The following PRKAR2B variants were observed in gnomAD, a reference collection of about 807,000 sequenced individuals.
PRKAR2B encodes protein kinase cAMP-dependent type II regulatory subunit beta, also known as cAMP-dependent protein kinase type II-beta regulatory subunit.
In PRKAR2B, 14 loss-of-function variants were observed where a neutral mutation model predicts 49.9. That is an observed-to-expected ratio of 0.28 (90% CI 0.19 to 0.44). PRKAR2B has a LOEUF of 0.44. Among genes scored for constraint, PRKAR2B ranks in the 20% least tolerant of loss-of-function variants. The probability of loss-of-function intolerance (pLI) is 1.00; values close to 1 mark genes in which losing one functional copy is unlikely to be tolerated. For synonymous variants in PRKAR2B, 196 were observed against 197.7 expected (o/e 0.99, Z 0.07); for missense variants, 393 against 537.9 (o/e 0.73, Z 2.67).
At chr7:107,111,057 C>T (rs1795162006) in intron 2 of PRKAR2B, among the ~76,000 whole-genome samples, 1 of 152,158 alleles carries the variant, frequency 6.6e-6, no homozygotes, top group African/African-American at 2.4e-5. Context: ...AAGGGAGCAT[C>T]CCACGCTAGG....
At chr7:107,090,888 G>A (rs1014464699) in intron 2 of PRKAR2B, among the ~76,000 whole-genome samples, 9 of 152,164 alleles carry the variant, frequency 5.9e-5, no homozygotes, top group Admixed American at 2.0e-4. Context: ...GAATGGGACC[G>A]TTATCTTGCA....
intron 2 of PRKAR2B, among the ~76,000 whole-genome samples, chr7:107,086,213 C>A (rs1254224319): frequency 6.6e-6 from 1 of 151,900 alleles, no homozygotes; most frequent in East Asian, 1.9e-4. Context: ...GTGTACAGAT[C>A]TGAGGTTCAA....
chr7:107,048,829 C>G (rs1793749695), intron 1 of PRKAR2B, among the ~76,000 whole-genome samples: 1 of 152,168 alleles, frequency 6.6e-6, no homozygotes, highest in Non-Finnish European at 1.5e-5. Flanking sequence ...TTGTTACTTT[C>G]CATTTGCTAT....
At chr7:107,091,312 A>G (rs1310273634) in intron 2 of PRKAR2B, among the ~76,000 whole-genome samples, 1 of 152,250 alleles carries the variant, frequency 6.6e-6, no homozygotes, top group Non-Finnish European at 1.5e-5. Context: ...CAAGACATTC[A>G]TATGTGCATT....
At chr7:107,055,865 G>C (rs969765734) in intron 1 of PRKAR2B, among the ~76,000 whole-genome samples, 1 of 152,126 alleles carries the variant, frequency 6.6e-6, no homozygotes, top group Admixed American at 6.6e-5. Context: ...ACTGCTTTTG[G>C]TGTTTTAGAC....
At chr7:107,111,930 G>A (rs542537022) in intron 2 of PRKAR2B, among the ~76,000 whole-genome samples, 120 of 146,912 alleles carry the variant, frequency 8.2e-4, no homozygotes, top group Non-Finnish European at 1.4e-3. Context: ...ATGTTTGGAG[G>A]TCAAGGCAGG....
rs899783324 is a variant in PRKAR2B at position 107,156,891 on chromosome 7, G to A, written c.919-93G>A. On this transcript the variant is annotated intron_variant, in intron 8 of 10. Coordinates refer to ENST00000265717, the MANE Select transcript of PRKAR2B (RefSeq NM_002736.3). ...TTTTCAGGTGAATATGTGTACTTTG[G>A]GGTTGGATCAATTTTAGGGATATGA... is the stretch of plus-strand genomic sequence containing the variant. 6.7e-6 allele frequency: 7 copies of A among 1,052,048 alleles called. No homozygotes were observed. In the African/African-American group the frequency reaches 9.5e-5, roughly 14 times the overall value. The allele number at this position is 1,052,048 out of a possible 1,614,324, so 65.2% of individuals were successfully genotyped here. A position where few individuals can be genotyped will look rare whatever the true frequency, so the allele number is the denominator to read the frequency against.
intron 1 of PRKAR2B, among the ~76,000 whole-genome samples, chr7:107,053,523 AGAGTGT>A (rs1239595489): frequency 8.4e-6 from 1 of 118,364 alleles, no homozygotes; most frequent in Admixed American, 9.3e-5. Context: ...TAGATTATAA[AGAGTGT>A]GTGTGTGTGT....
At chr7:107,136,346 C>CT (rs1795701602) in intron 4 of PRKAR2B, among the ~76,000 whole-genome samples, 1 of 152,128 alleles carries the variant, frequency 6.6e-6, no homozygotes, top group Admixed American at 6.6e-5. Flanking sequence ...TTAAAAATTT[C>CT]TTTGCTGCAA....
At chr7:107,108,553 G>A (rs927792038) in intron 2 of PRKAR2B, among the ~76,000 whole-genome samples, 2 of 152,170 alleles carry the variant, frequency 1.3e-5, no homozygotes, top group Non-Finnish European at 2.9e-5. Context: ...CAATGTCAAG[G>A]GGGAACAGAG....
Position 107,127,371 on chromosome 7 carries a change from A to G in PRKAR2B, c.397-841A>G, listed in dbSNP as rs571044125. ...TGCCCCTCTAACTCATTTTATAGTT[A>G]CAAACTGTTCATGTTCACAAAAGAG... is the stretch of plus-strand genomic sequence containing the variant. On this transcript the variant is annotated intron_variant, in intron 3 of 10. Coordinates refer to ENST00000265717, the MANE Select transcript of PRKAR2B (RefSeq NM_002736.3). Among the ~76,000 whole-genome samples the G allele has an allele frequency of 5.3e-5, 8 of 152,370 alleles. No individual in the cohort carries two copies. In the South Asian group the frequency reaches 1.7e-3, roughly 32 times the overall value.
intron 1 of PRKAR2B, among the ~76,000 whole-genome samples, chr7:107,059,043 T>G (rs1043336818): frequency 8.5e-5 from 13 of 152,142 alleles, no homozygotes; most frequent in Non-Finnish European, 1.9e-4. Context: ...CCCAGCCCTT[T>G]GGGGGAGACC....
At chr7:107,066,509 A>C (rs1562844683) in intron 1 of PRKAR2B, 1 of 152,186 alleles carries the variant, frequency 6.6e-6, no homozygotes, top group Non-Finnish European at 1.5e-5. Flanking sequence ...ACACTAAATA[A>C]GCGTCAGTCT....
At chr7:107,119,462 G>A (rs1409029291) in intron 2 of PRKAR2B, among the ~76,000 whole-genome samples, 1 of 152,114 alleles carries the variant, frequency 6.6e-6, no homozygotes, top group African/African-American at 2.4e-5. Context: ...TTTTTGCACT[G>A]GGCCATACAA....
intron 2 of PRKAR2B, among the ~76,000 whole-genome samples, chr7:107,104,784 G>A (rs769424571): frequency 6.6e-6 from 1 of 152,170 alleles, no homozygotes; most frequent in Non-Finnish European, 1.5e-5. Context: ...GAGTCTGGGT[G>A]CAAATGTGTG....
chr7:107,078,594 C>T (rs73723710), intron 2 of PRKAR2B, among the ~76,000 whole-genome samples: 2,612 of 152,228 alleles, frequency 0.017, 72 homozygotes, highest in African/African-American at 0.059. Flanking sequence ...ATGAATAATC[C>T]AAGTGAACAG....
rs1795475307 is a variant in PRKAR2B at position 107,125,993 on chromosome 7, A to G, written c.397-2219A>G. Among the ~76,000 whole-genome samples the G allele has an allele frequency of 3.3e-5, 5 of 149,382 alleles. No homozygotes were observed. The Admixed American group carries it at 3.4e-4, about 10-fold the overall frequency. On this transcript the variant is annotated intron_variant, in intron 3 of 10. Coordinates refer to ENST00000265717, the MANE Select transcript of PRKAR2B (RefSeq NM_002736.3). ...TCCCAGCTACTCAGGAGGCTGAGGC[A>G]GGAGAGTCGCTTGAACCCAGGAGGC...
chr7:107,136,295 G>T (rs1481347357), intron 4 of PRKAR2B, among the ~76,000 whole-genome samples: 2 of 152,144 alleles, frequency 1.3e-5, no homozygotes, highest in Non-Finnish European at 2.9e-5. Context: ...AACACCAAAG[G>T]CACATCCATG....
intron 2 of PRKAR2B, among the ~76,000 whole-genome samples, chr7:107,095,191 G>T (rs909428464): frequency 1.1e-4 from 16 of 152,136 alleles, no homozygotes; most frequent in Non-Finnish European, 1.8e-4. Flanking sequence ...TTGAGCAGTG[G>T]TTTGTAGTTC....
Sources: allele counts gnomAD v4.1 joint callset (sites outside exome capture counted in the v4.1 genomes callset), GRCh38; gene constraint gnomAD v4.1.1; transcripts MANE v1.5; gene names NCBI Gene and HGNC (gene_info 2026-07-23, HGNC 2026-07-21).